Variants in TYR observed in about 807,000 individuals in gnomAD.
TYR encodes LB24-AB.
TYR carries 58 observed loss-of-function variants against 51.5 expected under a neutral mutation model. The ratio of observed to expected loss-of-function variants is 1.13; its 90% CI spans 0.91 to 1.40. The LOEUF is 1.40. Among genes scored for constraint, TYR ranks in the 40% most tolerant of loss-of-function variants. TYR has a pLI of 0.00. For missense variants in TYR, 732 were observed against 647.4 expected, an observed-to-expected ratio of 1.13 and a Z score of -1.42; for synonymous variants, 263 against 235.2, an observed-to-expected ratio of 1.12 and a Z score of -1.08.
At chr11:89,194,186 T>C (rs953183099) in intron 2 of TYR, among the ~76,000 whole-genome samples, 1 of 152,208 alleles carries the variant, frequency 6.6e-6, no homozygotes, top group Non-Finnish European at 1.5e-5. Flanking sequence ...CTTGTACATA[T>C]GTGTCTTTAT....
intron 2 of TYR, among the ~76,000 whole-genome samples, chr11:89,205,222 G>A (rs1036201030): frequency 9.2e-5 from 14 of 151,926 alleles, no homozygotes; most frequent in African/African-American, 3.4e-4. Context: ...CTGAAAAACA[G>A]AAAACACACT....
At chr11:89,205,020 T>C (rs902395281) in intron 2 of TYR, among the ~76,000 whole-genome samples, 2 of 152,032 alleles carry the variant, frequency 1.3e-5, no homozygotes, top group African/African-American at 4.8e-5. Context: ...ATTATAAACA[T>C]AGTTGAAACA....
chr11:89,210,343 T>C (rs1003183168), intron 2 of TYR, among the ~76,000 whole-genome samples: 3 of 140,808 alleles, frequency 2.1e-5, no homozygotes, highest in Non-Finnish European at 3.0e-5. Flanking sequence ...CAATAGCAGA[T>C]TCAATCAAGA....
chr11:89,206,623 G>A (rs768702489), intron 2 of TYR, among the ~76,000 whole-genome samples: 1 of 151,882 alleles, frequency 6.6e-6, no homozygotes, highest in Non-Finnish European at 1.5e-5. Context: ...CCATCAGCCA[G>A]AAGAATCTAA....
intron 1 of TYR, among the ~76,000 whole-genome samples, chr11:89,189,294 C>T (rs776256822): frequency 5.9e-5 from 9 of 151,870 alleles, no homozygotes; most frequent in Admixed American, 1.3e-4. Flanking sequence ...ATGCATGTGC[C>T]GTGTTTTCTT....
At chr11:89,237,848 A>G (rs1385392463) in intron 3 of TYR, among the ~76,000 whole-genome samples, 1 of 149,066 alleles carries the variant, frequency 6.7e-6, no homozygotes. Flanking sequence ...TTATTTATTT[A>G]TTTTTGAGAC....
At chr11:89,256,728 T>C (rs554637426) in intron 3 of TYR, among the ~76,000 whole-genome samples, 2 of 151,748 alleles carry the variant, frequency 1.3e-5, no homozygotes, top group African/African-American at 4.8e-5. Context: ...AATCTAATAG[T>C]TTTGGGAAGG....
At chr11:89,203,596 G>T (rs1404877030) in intron 2 of TYR, among the ~76,000 whole-genome samples, 2 of 152,094 alleles carry the variant, frequency 1.3e-5, no homozygotes, top group African/African-American at 4.8e-5. Context: ...AAAAGAAACA[G>T]AAAGAATGTA....
chr11:89,180,013 T>C (rs1332690580), intron 1 of TYR, among the ~76,000 whole-genome samples: 1 of 152,110 alleles, frequency 6.6e-6, no homozygotes, highest in Non-Finnish European at 1.5e-5. Context: ...TAGATGGCCT[T>C]CTCCGCCCAA....
At chr11:89,261,732 C>T (rs1481561054) in intron 3 of TYR, among the ~76,000 whole-genome samples, 1 of 151,942 alleles carries the variant, frequency 6.6e-6, no homozygotes, top group Non-Finnish European at 1.5e-5. Context: ...AACACTCTAC[C>T]CAACAACAGA....
intron 3 of TYR, among the ~76,000 whole-genome samples, chr11:89,276,502 GC>G (rs944521287): frequency 6.6e-6 from 1 of 151,538 alleles, no homozygotes; most frequent in African/African-American, 2.4e-5. Flanking sequence ...CTCTCTCTCT[GC>G]CTTTTTTTTT....
intron 2 of TYR, among the ~76,000 whole-genome samples, chr11:89,203,128 G>A (rs1242456024): frequency 6.6e-6 from 1 of 152,172 alleles, no homozygotes; most frequent in East Asian, 1.9e-4. Flanking sequence ...TACTTGTTGA[G>A]CACCTGATAC....
At chr11:89,287,330 T>C (rs16913104) in intron 4 of TYR, among the ~76,000 whole-genome samples, 11,005 of 151,984 alleles carry the variant, frequency 0.072, 489 homozygotes, top group East Asian at 0.12. Context: ...AATACTCTGG[T>C]CACTTTTGGA....
chr11:89,225,259 C>G (rs1183189173), intron 2 of TYR, among the ~76,000 whole-genome samples: 1 of 151,804 alleles, frequency 6.6e-6, no homozygotes, highest in Non-Finnish European at 1.5e-5. Flanking sequence ...TCTGTTACCT[C>G]ACATACTTAT....
chr11:89,201,377 T>G (rs1331491871), intron 2 of TYR, among the ~76,000 whole-genome samples: 1 of 152,204 alleles, frequency 6.6e-6, no homozygotes, highest in African/African-American at 2.4e-5. Flanking sequence ...AACATGATTA[T>G]TTCAGCTCTC....
At chr11:89,208,395 T>C (rs1473755098) in intron 2 of TYR, among the ~76,000 whole-genome samples, 3 of 152,200 alleles carry the variant, frequency 2.0e-5, no homozygotes, top group Non-Finnish European at 4.4e-5. Context: ...CAAGGAGCAA[T>C]ACTTACTTTT....
At chr11:89,219,333 A>G (rs1233512477) in intron 2 of TYR, among the ~76,000 whole-genome samples, 1 of 146,330 alleles carries the variant, frequency 6.8e-6, no homozygotes, top group Non-Finnish European at 1.5e-5. Context: ...GTCCCACTCT[A>G]TTGCCCAGGC....
intron 3 of TYR, among the ~76,000 whole-genome samples, chr11:89,240,582 C>G (rs1210498519): frequency 6.6e-6 from 1 of 151,622 alleles, no homozygotes; most frequent in African/African-American, 2.4e-5. Flanking sequence ...GAAGTTATTC[C>G]TTTTCATATG....
chr11:89,262,807 TA>T (rs573557916), intron 3 of TYR, among the ~76,000 whole-genome samples: 2 of 37,910 alleles, frequency 5.3e-5, no homozygotes, highest in African/African-American at 1.0e-4. Flanking sequence ...AATAGAAATC[TA>T]AACAGACCTG....
Sources: gnomAD v4.1 joint callset for allele counts (sites outside exome capture counted in the v4.1 genomes callset) on GRCh38, gnomAD v4.1.1 for gene constraint, MANE v1.5 for transcripts, NCBI Gene and HGNC (gene_info 2026-07-23, HGNC 2026-07-21) for gene names.